The following ZMAT4 variants were observed in gnomAD, a reference collection of about 807,000 sequenced individuals.
The protein encoded by ZMAT4 is zinc finger matrin-type protein 4.
A neutral mutation model predicts 28.7 loss-of-function variants in ZMAT4; 17 were observed. The observed-to-expected ratio is 0.59, with a 90% CI of 0.41 to 0.89. ZMAT4 has a LOEUF of 0.89. Ranked by LOEUF, ZMAT4 falls within the 40% of genes least tolerant of loss-of-function variation. ZMAT4 has a pLI of 0.00. For missense variants in ZMAT4, 240 were observed against 283.8 expected (o/e 0.85, Z 1.11); for synonymous variants, 117 against 109.2 (o/e 1.07, Z -0.44).
At chr8:40,799,907 C>T (rs1814765027) in intron 2 of ZMAT4, among the ~76,000 whole-genome samples, 2 of 151,844 alleles carry the variant, frequency 1.3e-5, no homozygotes, top group African/African-American at 4.8e-5. Context: ...AACTGTAGTC[C>T]AGGCAATAAA....
intron 1 of ZMAT4, among the ~76,000 whole-genome samples, chr8:40,829,644 GAAGAGACATA>G (rs1816204302): frequency 6.6e-6 from 1 of 152,178 alleles, no homozygotes; most frequent in African/African-American, 2.4e-5. Flanking sequence ...TACTGAGTAA[GAAGAGACATA>G]CACACACCAA....
chr8:40,719,059 T>A (rs1314069188), intron 3 of ZMAT4, among the ~76,000 whole-genome samples: 1 of 152,138 alleles, frequency 6.6e-6, no homozygotes, highest in East Asian at 1.9e-4. Flanking sequence ...GGCCTAGAAA[T>A]CAGCCTGAGG....
chr8:40,809,939 G>A (rs921050354), intron 2 of ZMAT4, among the ~76,000 whole-genome samples: 4 of 152,032 alleles, frequency 2.6e-5, no homozygotes, highest in Non-Finnish European at 5.9e-5. Context: ...AGCTACTTGG[G>A]AGGCTAAGGC....
At chr8:40,724,820 G>C (rs1040855585) in intron 3 of ZMAT4, among the ~76,000 whole-genome samples, 2 of 152,166 alleles carry the variant, frequency 1.3e-5, no homozygotes, top group African/African-American at 4.8e-5. Context: ...TCTGGAAAAG[G>C]GAAAGAAATG....
At chr8:40,623,917 G>A (rs1391923383) in intron 5 of ZMAT4, among the ~76,000 whole-genome samples, 1 of 152,144 alleles carries the variant, frequency 6.6e-6, no homozygotes, top group Non-Finnish European at 1.5e-5. Flanking sequence ...GATCCTACAG[G>A]CATTTGAAGC....
intron 2 of ZMAT4, among the ~76,000 whole-genome samples, chr8:40,788,848 AG>A (rs1814198375): frequency 6.6e-6 from 1 of 152,098 alleles, no homozygotes; most frequent in South Asian, 2.1e-4. Context: ...ATCAAATATA[AG>A]GACATATACA....
intron 5 of ZMAT4, among the ~76,000 whole-genome samples, chr8:40,666,165 C>T (rs896012655): frequency 3.3e-5 from 5 of 152,184 alleles, no homozygotes; most frequent in Non-Finnish European, 5.9e-5. Flanking sequence ...GTGTTTTATA[C>T]TGGCAAGAAG....
chr8:40,574,912 C>A (rs994570555), intron 6 of ZMAT4, among the ~76,000 whole-genome samples: 3 of 152,150 alleles, frequency 2.0e-5, no homozygotes, highest in Admixed American at 2.0e-4. Context: ...AAAGTAGGAG[C>A]CCACATTGTT....
At chr8:40,583,603 G>A (rs1027068233) in intron 5 of ZMAT4, among the ~76,000 whole-genome samples, 1 of 152,172 alleles carries the variant, frequency 6.6e-6, no homozygotes, top group African/African-American at 2.4e-5. Context: ...TTTCAATTTA[G>A]ATAGTTTATT....
At chr8:40,650,926 T>G (rs906646446) in intron 5 of ZMAT4, among the ~76,000 whole-genome samples, 5 of 151,904 alleles carry the variant, frequency 3.3e-5, no homozygotes, top group African/African-American at 1.2e-4. Flanking sequence ...GGGACGTATC[T>G]CAAAATAATA....
At chr8:40,572,408 T>C (rs1804127485) in intron 6 of ZMAT4, among the ~76,000 whole-genome samples, 2 of 152,132 alleles carry the variant, frequency 1.3e-5, no homozygotes. Context: ...ATTTAGAAAT[T>C]ACTACTAATT....
chr8:40,881,491 GAAAGAAAGAGGA>G (rs1260174278), intron 1 of ZMAT4, among the ~76,000 whole-genome samples: 2 of 131,628 alleles, frequency 1.5e-5, no homozygotes, highest in South Asian at 4.9e-4. Flanking sequence ...AAGAAAGAAA[GAAAGAAAGAGGA>G]AGGAAGGAAG....
intron 6 of ZMAT4, among the ~76,000 whole-genome samples, chr8:40,565,338 C>T (rs1331148417): frequency 3.3e-5 from 5 of 149,702 alleles, no homozygotes; most frequent in African/African-American, 7.4e-5. Context: ...TATATCAACT[C>T]ATTCAACACA....
At chr8:40,729,922 A>C (rs1183723229) in intron 3 of ZMAT4, among the ~76,000 whole-genome samples, 1 of 152,178 alleles carries the variant, frequency 6.6e-6, no homozygotes, top group African/African-American at 2.4e-5. Flanking sequence ...TATTTAAAAA[A>C]ACAAAATTAT....
At chr8:40,581,297 A>T (rs768298334) in intron 5 of ZMAT4, 36 bp from the exon 6 acceptor site, 1 of 1,568,520 alleles carries the variant, frequency 6.4e-7, no homozygotes, top group Non-Finnish European at 8.8e-7. Flanking sequence ...AGCTGCATCC[A>T]GTCGTCAACC....
At chr8:40,875,665 G>A (rs974845337) in intron 1 of ZMAT4, among the ~76,000 whole-genome samples, 3 of 152,056 alleles carry the variant, frequency 2.0e-5, no homozygotes, top group African/African-American at 7.2e-5. Context: ...CAGCCCCAGG[G>A]CACCGCCAAG....
chr8:40,749,122 A>G (rs1311724987), intron 3 of ZMAT4, among the ~76,000 whole-genome samples: 1 of 152,092 alleles, frequency 6.6e-6, no homozygotes, highest in Non-Finnish European at 1.5e-5. Context: ...GCCATATAGA[A>G]CTGTGAGTCC....
chr8:40,779,197 T>C (rs2150570474), intron 2 of ZMAT4, among the ~76,000 whole-genome samples: 1 of 152,276 alleles, frequency 6.6e-6, no homozygotes, highest in East Asian at 1.9e-4. Flanking sequence ...AAACCTCTCT[T>C]GCTTGGCTTT....
At chr8:40,589,731 C>CCTTTCTTTCTTTCTTTCTTTCTTTCTT (rs1804796605) in intron 5 of ZMAT4, among the ~76,000 whole-genome samples, 2 of 139,274 alleles carry the variant, frequency 1.4e-5, no homozygotes, top group African/African-American at 5.4e-5. Flanking sequence ...TTCTTCCTTT[C>CCTTTCTTTCTTTCTTTCTTTCTTTCTT]CTTTCTTTCT....
Sources: allele counts gnomAD v4.1 joint callset (sites outside exome capture counted in the v4.1 genomes callset), GRCh38; gene constraint gnomAD v4.1.1; transcripts MANE v1.5; gene names NCBI Gene and HGNC (gene_info 2026-07-23, HGNC 2026-07-21).